Variants in PPP1R16B observed in about 807,000 individuals in gnomAD.
PPP1R16B encodes protein phosphatase 1 regulatory subunit 16B, also known as protein phosphatase 1 regulatory inhibitor subunit 16B.
Under a neutral mutation model 61.7 loss-of-function variants are expected in PPP1R16B, and 14 were observed. The ratio of observed to expected loss-of-function variants is 0.23; its 90% CI spans 0.15 to 0.35. The LOEUF (loss-of-function observed/expected upper bound fraction) is 0.35. Ranked by LOEUF, PPP1R16B falls within the 10% of genes least tolerant of loss-of-function variation. The probability of loss-of-function intolerance (pLI) is 1.00; values close to 1 mark genes in which losing one functional copy is unlikely to be tolerated. For synonymous variants in PPP1R16B, 266 were observed against 305.3 expected (o/e 0.87, Z 1.34); for missense variants, 547 against 752.5 (o/e 0.73, Z 3.19).
chr20:38,846,547 A>G (rs1303559776), intron 2 of PPP1R16B, among the ~76,000 whole-genome samples: 1 of 152,210 alleles, frequency 6.6e-6, no homozygotes, highest in Non-Finnish European at 1.5e-5. Context: ...ATTTTGTCTT[A>G]TCTTTATATA....
intron 1 of PPP1R16B, among the ~76,000 whole-genome samples, chr20:38,827,514 CAG>C (rs1484829532): frequency 1.3e-5 from 2 of 152,194 alleles, no homozygotes; most frequent in Non-Finnish European, 2.9e-5. Flanking sequence ...AGTGACAAGT[CAG>C]AGATCTGAAT....
chr20:38,917,148 T>G (rs1250050750), intron 10 of PPP1R16B, among the ~76,000 whole-genome samples: 2 of 152,036 alleles, frequency 1.3e-5, no homozygotes, highest in Admixed American at 6.5e-5. Flanking sequence ...ATACAAAAAT[T>G]TGCTGGGTGT....
At chr20:38,902,932 C>G in intron 6 of PPP1R16B, 140 bp downstream of exon 6, 1 of 1,360,566 alleles carries the variant, frequency 7.3e-7, no homozygotes, top group Middle Eastern at 2.6e-4. Flanking sequence ...CAGGATTGCC[C>G]CTGGATAGGG....
rs140722209 is a variant in PPP1R16B, at chr20:38,861,801, C to T, written c.250+25626C>T. The stretch of plus-strand genomic sequence containing the variant: ...AAGCGATTCTCTTGCCTCGGCCTCC[C>T]GAGTAGCTGGGATTACAGGAGCCTG... On this transcript the variant is annotated intron_variant, in intron 2 of 10. Coordinates refer to ENST00000299824, the MANE Select transcript of PPP1R16B (RefSeq NM_015568.4). Among the ~76,000 whole-genome samples the T allele has an allele frequency of 5.0e-3, 758 of 151,998 alleles. 23 individuals carry two copies. The highest frequency in any genetic ancestry group is 0.042 in the Admixed American group (642 of 15,248).
Position 38,857,093 on chromosome 20 carries a change from A to G in PPP1R16B, c.250+20918A>G, listed in dbSNP as rs1209211944. Among the ~76,000 whole-genome samples the G allele has an allele frequency of 2.0e-5, 3 of 152,152 alleles. No homozygotes were observed. The East Asian group carries it at 5.8e-4, about 29-fold the overall frequency. ...CCCGTGAGGTCTGTTGGATAAAGTC[A>G]CAGTTTAGAATCAGTCTTCCCCAGG... On this transcript the variant is annotated intron_variant, in intron 2 of 10. Transcript: ENST00000299824.
chr20:38,894,252 C>T (rs2085316622), intron 3 of PPP1R16B, among the ~76,000 whole-genome samples: 1 of 152,090 alleles, frequency 6.6e-6, no homozygotes. Flanking sequence ...AGGGGTGGGG[C>T]TGTGGTGCCG....
In PPP1R16B at chr20:38,871,040, T is replaced by C. The variant is rs112083076; in HGVS notation, c.251-18555T>C. ...CGGATGCCTGCATCTCCCTGACCCG[T>C]GTGTACCCTCATCATCCCAGGACCT... is the stretch of plus-strand genomic sequence containing the variant. On this transcript the variant is annotated intron_variant, in intron 2 of 10. Coordinates refer to ENST00000299824, the MANE Select transcript of PPP1R16B (RefSeq NM_015568.4). 9.1e-3 allele frequency among the ~76,000 whole-genome samples: 1,387 copies of C among 152,272 alleles called. 7 individuals are homozygous for C. The highest frequency in any genetic ancestry group is 0.016 in the Non-Finnish European group (1,079 of 68,012).
At chr20:38,849,456 A>G (rs1343251918) in intron 2 of PPP1R16B, among the ~76,000 whole-genome samples, 1 of 152,078 alleles carries the variant, frequency 6.6e-6, no homozygotes, top group African/African-American at 2.4e-5. Flanking sequence ...TACTCTGTCT[A>G]CGTTCTTCCC....
chr20:38,889,468 C>T (rs575785570), intron 2 of PPP1R16B, 127 bp from the exon 3 acceptor site: 2 of 788,584 alleles, frequency 2.5e-6, no homozygotes, highest in Non-Finnish European at 4.3e-6. Context: ...GTTGTCTCAT[C>T]TGTAAAATGG....
At chr20:38,828,538 T>A (rs2084817893) in intron 1 of PPP1R16B, among the ~76,000 whole-genome samples, 1 of 152,198 alleles carries the variant, frequency 6.6e-6, no homozygotes, top group African/African-American at 2.4e-5. Flanking sequence ...CTGAGACCCC[T>A]TACTTAAAGG....
At chr20:38,836,486 G>A (rs1183204403) in intron 2 of PPP1R16B, among the ~76,000 whole-genome samples, 1 of 152,028 alleles carries the variant, frequency 6.6e-6, no homozygotes, top group South Asian at 2.1e-4. Flanking sequence ...CTAGTAGCTG[G>A]GATCACAGGT....
chr20:38,856,815 G>A (rs4812325), intron 2 of PPP1R16B, among the ~76,000 whole-genome samples: 98,064 of 152,148 alleles, frequency 0.64, 31,888 homozygotes, highest in African/African-American at 0.71. Flanking sequence ...GCGTAGCCAG[G>A]ACTGTCTGAC....
intron 2 of PPP1R16B, among the ~76,000 whole-genome samples, chr20:38,867,611 A>G (rs1238461887): frequency 2.0e-5 from 3 of 152,134 alleles, no homozygotes; most frequent in East Asian, 3.9e-4. Flanking sequence ...AAAATATGTT[A>G]GTTGTCCAAA....
At position 38,920,908 on chromosome 20, in the gene PPP1R16B, T is replaced by C. The variant is rs1297329720; in HGVS notation, c.*2242T>C. 1 of 152,180 alleles carries C rather than the reference T, an allele frequency of 6.6e-6. No individual in the cohort carries two copies. The highest frequency in any genetic ancestry group is 1.5e-5 in the Non-Finnish European group (1 of 68,038). 9.4% of individuals were successfully genotyped at this position (152,180 alleles called of 1,614,324 possible). ...CCCAGACTGACGCTGAAATCCCTCA[T>C]GAGCCAACCTTAGCTACAAGGTAGG... On this transcript the variant is annotated 3_prime_UTR_variant, in exon 11 of 11. Coordinates refer to ENST00000299824, the MANE Select transcript of PPP1R16B (RefSeq NM_015568.4).
intron 2 of PPP1R16B, among the ~76,000 whole-genome samples, chr20:38,882,307 G>T (rs2085208788): frequency 6.6e-6 from 1 of 152,140 alleles, no homozygotes; most frequent in Admixed American, 6.5e-5. Flanking sequence ...CAGGTCAGGT[G>T]GTGTTGATGA....
chr20:38,846,384 C>T (rs1009518699), intron 2 of PPP1R16B, among the ~76,000 whole-genome samples: 2 of 152,056 alleles, frequency 1.3e-5, no homozygotes, highest in African/African-American at 4.8e-5. Flanking sequence ...TCTGGGACAC[C>T]TCAATAGCTG....
intron 10 of PPP1R16B, among the ~76,000 whole-genome samples, chr20:38,912,191 C>CCGGGTT (rs1178041285): frequency 6.6e-6 from 1 of 151,544 alleles, no homozygotes; most frequent in African/African-American, 2.4e-5. Context: ...TCTCCGCCTC[C>CCGGGTT]CGGGTTCAAG....
rs960535550 is a variant in PPP1R16B at position 38,845,925 on chromosome 20, G to A, written c.250+9750G>A. On this transcript the variant is annotated intron_variant, in intron 2 of 10. Transcript: ENST00000299824. ...GGGAGGCTCATGAGAAGCCCTCACA[G>A]TAGCGTAGGTGAGAGCCTATGGTGG... is the stretch of plus-strand genomic sequence containing the variant. Among the ~76,000 whole-genome samples the A allele has an allele frequency of 3.9e-5, 6 of 152,330 alleles. No homozygotes were observed. In the South Asian group the frequency reaches 1.2e-3, roughly 32 times the overall value.
At chr20:38,858,631 G>A (rs1358282914) in intron 2 of PPP1R16B, among the ~76,000 whole-genome samples, 1 of 150,934 alleles carries the variant, frequency 6.6e-6, no homozygotes, top group Non-Finnish European at 1.5e-5. Context: ...AATGAGATTG[G>A]AGGAAGGGGA....
Sources: allele counts gnomAD v4.1 joint callset (sites outside exome capture counted in the v4.1 genomes callset), GRCh38; gene constraint gnomAD v4.1.1; transcripts MANE v1.5; gene names NCBI Gene and HGNC (gene_info 2026-07-23, HGNC 2026-07-21).